The following CCDC88C variants were observed in gnomAD, a reference collection of about 807,000 sequenced individuals.
CCDC88C encodes the protein protein Daple.
A neutral mutation model predicts 198.8 loss-of-function variants in CCDC88C; 131 were observed. The observed-to-expected ratio is 0.66, with a 90% confidence interval of 0.57 to 0.76. The LOEUF (loss-of-function observed/expected upper bound fraction) is 0.76. Among genes scored for constraint, CCDC88C ranks in the 30% least tolerant of loss-of-function variants. CCDC88C has a pLI of 0.00. For missense variants in CCDC88C, 2,553 were observed against 2,631.6 expected (o/e 0.97, Z 0.65); for synonymous variants, 1,166 against 1,114.7 (o/e 1.05, Z -0.92).
chr14:91,407,612 G>A (rs1229090622), intron 3 of CCDC88C, among the ~76,000 whole-genome samples: 2 of 152,134 alleles, frequency 1.3e-5, no homozygotes, highest in Admixed American at 1.3e-4. Context: ...CTTCACCTGG[G>A]TTCTCGAGAA....
chr14:91,273,064 G>A lies in CCDC88C; in HGVS notation c.5648C>T (p.Thr1883Met), dbSNP rs764385146. The change falls in exon 30 of 30, where the codon ACG (threonine) becomes ATG (methionine). Residue 1883 changes from threonine to methionine, a missense_variant. Thr to Met is a moderately conservative substitution (Grantham distance 81, BLOSUM62 -1). Around this residue, in one of 2 missense-constraint regions of CCDC88C, gnomAD observed 1,293 missense variants for 1,219.6 expected, o/e 1.06. Transcript: ENST00000389857. The surrounding 1 kb of genome is among the most constrained non-coding windows in gnomAD (Gnocchi z 5.6). ...GPGPRSRPLD[T>M]RRFSLAPPKE... ...TGGGGGAGCCAGGGAGAAGCGCCTC[G>A]TGTCCAGCGGCCGGCTGCGGGGACC... 7.1e-6 allele frequency: 11 copies of A among 1,558,824 alleles called. No homozygotes were observed. The highest frequency in any genetic ancestry group is 4.1e-5 in the African/African-American group (3 of 73,668).
intron 25 of CCDC88C, among the ~76,000 whole-genome samples, chr14:91,286,259 C>T (rs1890406260): frequency 6.6e-6 from 1 of 152,200 alleles, no homozygotes; most frequent in South Asian, 2.1e-4. Context: ...CCCGTTCCCA[C>T]TCAAAGACCT....
chr14:91,286,107 C>T (rs776995895), intron 25 of CCDC88C, among the ~76,000 whole-genome samples: 4 of 152,058 alleles, frequency 2.6e-5, no homozygotes, highest in Non-Finnish European at 5.9e-5. Context: ...TACATACTGC[C>T]CAAGGAGCCA....
chr14:91,272,911 G>A lies in CCDC88C; in HGVS notation c.5801C>T (p.Ala1934Val), dbSNP rs773866823. 2 of 1,576,432 alleles carry A rather than the reference G, an allele frequency of 1.3e-6. No homozygotes were observed. The highest frequency in any genetic ancestry group is 1.8e-5 in the Admixed American group (1 of 55,166). The stretch of plus-strand genomic sequence containing the variant: ...CTTGGGCTTGGTCCTGGCAGCCGGG[G>A]CTGCAGCAGGTGAGAAGTGCAGGAG... Reference protein sequence around the residue: ...SQLLHFSPAAAPAARTKPKAP... With the variant: ...SQLLHFSPAAVPAARTKPKAP... Residue 1934 changes from alanine (A) to valine (V), a missense_variant, in exon 30 of 30, where the codon GCC becomes GTC. Ala to Val is a moderately conservative substitution (Grantham distance 64). Transcript: ENST00000389857.
chr14:91,308,375 G>A lies in CCDC88C; in HGVS notation c.2982C>T (p.Arg994=). The A allele has an allele frequency of 1.9e-6, 3 of 1,614,004 alleles. No individual in the cohort carries two copies. The highest frequency in any genetic ancestry group is 2.5e-6 in the Non-Finnish European group (3 of 1,179,888). ...AQMEEKASLN[R]QLESELQMLK... is the part of the protein sequence containing the mutation. Reference sequence around the variant, plus strand: ...CCATCTGCAGCTCACTCTCTAACTGGCGATTTAGGCTCGCTTTCTCTTCCA... The same window carrying A: ...CCATCTGCAGCTCACTCTCTAACTGACGATTTAGGCTCGCTTTCTCTTCCA... Residue 994 remains arginine (R), a synonymous_variant, in exon 17 of 30, where the codon CGC becomes CGT. Coordinates refer to ENST00000389857, the MANE Select transcript of CCDC88C (RefSeq NM_001080414.4).
In CCDC88C at chr14:91,338,163, T is replaced by C. The variant is rs762992808; in HGVS notation, c.892A>G (p.Asn298Asp). ...VLELQKVKQE[N>D]IQLAADARSA... ...CGGGCGTCTGCCGCTAGCTGGATGT[T>C]CTGCAAGGTGGACAAAGGCAGGAGA... The change falls in exon 10 of 30, where the codon AAC becomes GAC. Residue 298 changes from asparagine to aspartate, a missense_variant and splice_region_variant. Asn to Asp is a conservative substitution (Grantham distance 23). This residue lies in a region of CCDC88C where 1,260 missense variants were observed against 1,412.0 expected (regional missense o/e 0.89). Transcript: ENST00000389857. The surrounding 1 kb of genome is among the most constrained non-coding windows in gnomAD (Gnocchi z 4.8). 6.2e-6 allele frequency: 10 copies of C among 1,613,286 alleles called. No homozygotes were observed. Among genetic ancestry groups the C allele is most frequent in the Non-Finnish European group, 7.6e-6 (9 of 1,179,390 alleles).
rs1451143493 is a variant in CCDC88C at position 91,408,590 on chromosome 14, G to A, written c.270+69C>T. On this transcript the variant is annotated intron_variant, in intron 3 of 29. Transcript: ENST00000389857. The stretch of plus-strand genomic sequence containing the variant: ...GCACCGTTTCCTCCCGGCCTCCTGT[G>A]GGAAAACCGTGACAGTGACGATACT... 13 of 1,003,710 alleles carry A rather than the reference G, an allele frequency of 1.3e-5. No individual in the cohort carries two copies. The South Asian group carries it at 1.4e-4, about 11-fold the overall frequency. The allele number at this position is 1,003,710 out of a possible 1,614,324, so 62.2% of individuals were successfully genotyped here. A position where few individuals can be genotyped will look rare whatever the true frequency, so the allele number is the denominator to read the frequency against.
chr14:91,364,505 G>C (rs533814293), intron 3 of CCDC88C, among the ~76,000 whole-genome samples: 1 of 152,286 alleles, frequency 6.6e-6, no homozygotes, highest in South Asian at 2.1e-4. Flanking sequence ...GGGGTTGGGG[G>C]AGAGCAAGGC....
At position 91,277,993 on chromosome 14, in the gene CCDC88C, C is replaced by A. The variant is rs746967498; in HGVS notation, c.4987G>T (p.Ala1663Ser). Reference protein sequence around the residue: ...PPYVGVRPCSASPSSEMVTLE... With the variant: ...PPYVGVRPCSSSPSSEMVTLE... The stretch of plus-strand genomic sequence containing the variant: ...GTGACCATCTCACTGCTGGGGGAGG[C>A]CGAGCAGGGCCGCACTCCGACGTAG... Residue 1663 changes from alanine to serine, a missense_variant, in exon 29 of 30, where the codon GCC becomes TCC. Ala to Ser is a moderately conservative substitution (Grantham distance 99). Around this residue, in one of 2 missense-constraint regions of CCDC88C, gnomAD observed 1,293 missense variants for 1,219.6 expected, o/e 1.06. Coordinates refer to ENST00000389857, the MANE Select transcript of CCDC88C (RefSeq NM_001080414.4). The A allele has an allele frequency of 6.4e-7, 1 of 1,569,140 alleles. No individual in the cohort carries two copies. The highest frequency in any genetic ancestry group is 1.4e-5 in the African/African-American group (1 of 74,002).
chr14:91,283,259 C>T (rs1890272658), intron 26 of CCDC88C, 70 bp downstream of exon 26: 8 of 1,481,482 alleles, frequency 5.4e-6, no homozygotes, highest in Admixed American at 1.9e-5. Flanking sequence ...CTCTGATTTC[C>T]GAGAGCCTGG....
Position 91,309,970 on chromosome 14 carries a change from T to C in CCDC88C, c.2753A>G (p.Lys918Arg). The change falls in exon 16 of 30, where the codon AAG becomes AGG. Residue 918 changes from lysine to arginine, a missense_variant. Lys to Arg is a conservative substitution (Grantham distance 26). This residue lies in a region of CCDC88C where 1,260 missense variants were observed against 1,412.0 expected (regional missense o/e 0.89). Transcript: ENST00000389857. ...TTLREDLVLE[K>R]LKSQQLSSEL... ...ACTGCTGAGCTGCTGGCTCTTCAGC[T>C]TCTCGAGCACCAGGTCCTGGAATGA... The C allele has an allele frequency of 6.3e-7, 1 of 1,599,782 alleles. No individual in the cohort carries two copies. The highest frequency in any genetic ancestry group is 2.3e-5 in the East Asian group (1 of 44,276).
chr14:91,389,928 T>C (rs12437423), intron 3 of CCDC88C, among the ~76,000 whole-genome samples: 45,382 of 151,240 alleles, frequency 0.3, 7,123 homozygotes, highest in East Asian at 0.36. Flanking sequence ...AAAAATTAGC[T>C]GGGCGTGGTG....
At chr14:91,327,174 G>A (rs559430885) in intron 10 of CCDC88C, among the ~76,000 whole-genome samples, 3 of 152,340 alleles carry the variant, frequency 2.0e-5, no homozygotes, top group South Asian at 2.1e-4. Flanking sequence ...GGTGGGCAGA[G>A]CTGTCTGAGG....
intron 25 of CCDC88C, chr14:91,285,706 G>A (rs922437748): frequency 7.8e-6 from 10 of 1,288,840 alleles, no homozygotes; most frequent in Middle Eastern, 2.2e-4. Context: ...AGAGAGGCTC[G>A]TTAGGAGAGG....
chr14:91,332,936 C>T (rs964862506), intron 10 of CCDC88C, among the ~76,000 whole-genome samples: 23 of 152,218 alleles, frequency 1.5e-4, no homozygotes, highest in Admixed American at 1.1e-3. Flanking sequence ...CACCCACAGA[C>T]CGGCCCTTGG....
At chr14:91,275,269 A>G (rs1332780556) in intron 29 of CCDC88C, among the ~76,000 whole-genome samples, 1 of 152,154 alleles carries the variant, frequency 6.6e-6, no homozygotes, top group Non-Finnish European at 1.5e-5. Flanking sequence ...GTAACAGTAC[A>G]GGGCACAGGG....
intron 4 of CCDC88C, among the ~76,000 whole-genome samples, chr14:91,351,288 C>A (rs961323061): frequency 3.9e-5 from 6 of 152,190 alleles, no homozygotes; most frequent in African/African-American, 1.4e-4. Flanking sequence ...GCTCACGAGG[C>A]TGTCACAGTG....
At chr14:91,275,740 C>T (rs1015932644) in intron 29 of CCDC88C, among the ~76,000 whole-genome samples, 7 of 151,046 alleles carry the variant, frequency 4.6e-5, no homozygotes, top group African/African-American at 1.7e-4. Context: ...CGCCTGACCT[C>T]AAGTGATCCA....
chr14:91,302,295 G>A (rs1011006274), intron 20 of CCDC88C, among the ~76,000 whole-genome samples: 3 of 152,180 alleles, frequency 2.0e-5, no homozygotes, highest in African/African-American at 7.2e-5. Flanking sequence ...CATCAGCAGG[G>A]CCATTTCCCA....
Sources: allele counts gnomAD v4.1 joint callset (sites outside exome capture counted in the v4.1 genomes callset), GRCh38; gene constraint gnomAD v4.1.1; regional missense constraint gnomAD v4.1.1; non-coding constraint Gnocchi (gnomAD v3.1); transcripts MANE v1.5; gene names NCBI Gene and HGNC (gene_info 2026-07-23, HGNC 2026-07-21).